Variants in MUC5B observed in about 807,000 individuals in gnomAD.
The protein encoded by MUC5B is mucin 5B, oligomeric mucus/gel-forming.
MUC5B carries 116 observed loss-of-function variants against 376.9 expected under a neutral mutation model. The ratio of observed to expected loss-of-function variants is 0.31; its 90% CI spans 0.26 to 0.36. MUC5B has a LOEUF of 0.36. MUC5B is among the 10% of genes least tolerant of loss of function. The pLI is 1.00. For synonymous variants in MUC5B, 3,517 were observed against 3,390.9 expected, an observed-to-expected ratio of 1.04 and a Z score of -1.29; for missense variants, 7,165 against 7,769.9, an observed-to-expected ratio of 0.92 and a Z score of 2.93.
rs1299214219 is a variant in MUC5B, at chr11:1,223,099, C to A, written c.-25C>A. ...CGGCTCCCTCCCTGCCCGTCCCCGTCCCCCCACCCGTGCCAGCCCCCAGGA... is the reference window on the plus strand; with the variant it reads ...CGGCTCCCTCCCTGCCCGTCCCCGTACCCCCACCCGTGCCAGCCCCCAGGA... On this transcript the variant is annotated 5_prime_UTR_variant, in exon 1 of 49. Coordinates refer to ENST00000529681, the MANE Select transcript of MUC5B (RefSeq NM_002458.3). The A allele has an allele frequency of 8.6e-6, 6 of 693,644 alleles. No individual in the cohort carries two copies. Among genetic ancestry groups the A allele is most frequent in the African/African-American group, 1.8e-5 (1 of 56,840 alleles). The allele number at this position is 693,644 out of a possible 1,614,324, so 43.0% of individuals were successfully genotyped here.
Position 1,258,534 on chromosome 11 carries a change from G to A in MUC5B, c.16593+167G>A, listed in dbSNP as rs56364057. Among the ~76,000 whole-genome samples the A allele has an allele frequency of 0.025, 3,801 of 152,226 alleles. 61 individuals are homozygous for A. The highest frequency in any genetic ancestry group is 0.033 in the Non-Finnish European group (2,226 of 67,984). On this transcript the variant is annotated intron_variant, in intron 43 of 48. Coordinates refer to ENST00000529681, the MANE Select transcript of MUC5B (RefSeq NM_002458.3). This position sits in a 1 kb window ranked among gnomAD's most constrained non-coding sequence, Gnocchi z 5.5. ...GCTGGGACATGCTTGGGACTCAGGG[G>A]CACCTTACGTCGACAGCCATGAGCT...
In MUC5B at chr11:1,246,851, C is replaced by T. The variant is rs952811914; in HGVS notation, c.9971C>T (p.Pro3324Leu). 3.1e-6 allele frequency: 5 copies of T among 1,610,630 alleles called. No homozygotes were observed. The Admixed American group carries it at 8.3e-5, about 27-fold the overall frequency. ...TTCACAGCCACCCCCTCCTCCAGCC[C>T]AGGGACGGCACTCACGCCTCCAGTG... Reference protein sequence around the residue: ...TGFTATPSSSPGTALTPPVWI... With the variant: ...TGFTATPSSSLGTALTPPVWI... Residue 3324 changes from proline (P) to leucine (L), a missense_variant, in exon 31 of 49, where the codon CCA becomes CTA. Transcript: ENST00000529681.
Position 1,240,202 on chromosome 11 carries a change from G to A in MUC5B, c.3797G>A (p.Arg1266Lys), listed in dbSNP as rs1275006918. 3 of 1,610,310 alleles carry A rather than the reference G, an allele frequency of 1.9e-6. No individual in the cohort carries two copies. The highest frequency in any genetic ancestry group is 2.5e-6 in the Non-Finnish European group (3 of 1,177,456). The change falls in exon 30 of 49, where the codon AGG (arginine) becomes AAG (lysine). Residue 1266 changes from arginine (R) to lysine (K), a missense_variant. This residue lies in a region of MUC5B where 517 missense variants were observed against 545.3 expected (regional missense o/e 0.95). Coordinates refer to ENST00000529681, the MANE Select transcript of MUC5B (RefSeq NM_002458.3). ...LEACTCTYEDRTYSYQDVIYN... is the reference protein window; with the variant it reads ...LEACTCTYEDKTYSYQDVIYN... ...GCCTGCACCTGCACCTATGAGGACA[G>A]GACCTACAGCTACCAGGACGTCATC...
At position 1,260,620 on chromosome 11, in the gene MUC5B, T is replaced by C; in HGVS notation, c.16967-6T>C. 9 of 1,610,986 alleles carry C rather than the reference T, an allele frequency of 5.6e-6. No individual in the cohort carries two copies. Among genetic ancestry groups the C allele is most frequent in the Non-Finnish European group, 7.6e-6 (9 of 1,178,798 alleles). The stretch of plus-strand genomic sequence containing the variant: ...GGGGCTCCACATCTGCCTTTCCTCC[T>C]CCCAGACTCCTGTCAAGTCCGCATC... On this transcript the variant is annotated splice_region_variant and splice_polypyrimidine_tract_variant and intron_variant, in intron 47 of 48. Coordinates refer to ENST00000529681, the MANE Select transcript of MUC5B (RefSeq NM_002458.3).
chr11:1,235,182 C>A lies in MUC5B; in HGVS notation c.2728C>A (p.Arg910Ser). 6.2e-7 allele frequency: 1 copy of A among 1,613,114 alleles called. No homozygotes were observed. The highest frequency in any genetic ancestry group is 1.1e-5 in the South Asian group (1 of 91,082). Residue 910 changes from arginine to serine, a missense_variant, in exon 22 of 49, where the codon CGC (arginine) becomes AGC (serine). By Grantham distance (110) the Arg-to-Ser change is moderately radical. This residue lies in a region of MUC5B where 530 missense variants were observed against 604.0 expected (regional missense o/e 0.88). Coordinates refer to ENST00000529681, the MANE Select transcript of MUC5B (RefSeq NM_002458.3). Reference protein sequence around the residue: ...DGHFITFDGDRYSFEGSCEYI... With the variant: ...DGHFITFDGDSYSFEGSCEYI... ...CCACTTCATCACCTTTGATGGCGAT[C>A]GCTACAGCTTTGAAGGCAGCTGCGA... is the stretch of plus-strand genomic sequence containing the variant.
In MUC5B at chr11:1,256,608, C is replaced by T. The variant is rs779950865; in HGVS notation, c.16137-63C>T. The T allele has an allele frequency of 9.0e-6, 12 of 1,326,278 alleles. No individual in the cohort carries two copies. The Admixed American group carries it at 1.5e-4, about 16-fold the overall frequency. 82.2% of individuals were successfully genotyped at this position (1,326,278 alleles called of 1,614,324 possible). ...CCCCACTGCCCATCCTGGGGACTCA[C>T]GTGGATGACAGTGGAGGCCTCCTGG... On this transcript the variant is annotated intron_variant, in intron 38 of 48. Transcript: ENST00000529681.
rs1564942188 is a variant in MUC5B, at chr11:1,244,825, C to A, written c.7945C>A (p.Pro2649Thr). The A allele has an allele frequency of 6.2e-7, 1 of 1,613,714 alleles. No homozygotes were observed. The highest frequency in any genetic ancestry group is 1.7e-5 in the Admixed American group (1 of 60,006). ...TPTTRGSTVT[P>T]SSIPGTTHTP... Reference sequence around the variant, plus strand: ...CACAACCAGAGGTTCCACGGTGACCCCCTCCTCCATCCCGGGGACCACCCA... The same window carrying A: ...CACAACCAGAGGTTCCACGGTGACCACCTCCTCCATCCCGGGGACCACCCA... The change falls in exon 31 of 49, where the codon CCC (proline) becomes ACC (threonine). Residue 2649 changes from proline (P) to threonine (T), a missense_variant. By Grantham distance (38) the Pro-to-Thr change is conservative. Around this residue, in one of 31 missense-constraint regions of MUC5B, gnomAD observed 141 missense variants for 111.2 expected, o/e 1.27. Transcript: ENST00000529681.
rs369461354 is a variant in MUC5B, at chr11:1,250,517, C to G, written c.13637C>G (p.Thr4546Ser). The G allele has an allele frequency of 2.5e-6, 4 of 1,613,498 alleles. No individual in the cohort carries two copies. Among genetic ancestry groups the G allele is most frequent in the Admixed American group, 1.7e-5 (1 of 59,990 alleles). The change falls in exon 31 of 49, where the codon ACC becomes AGC. Residue 4546 changes from threonine to serine, a missense_variant. This residue lies in a region of MUC5B where 4 missense variants were observed against 19.3 expected (regional missense o/e 0.21). Coordinates refer to ENST00000529681, the MANE Select transcript of MUC5B (RefSeq NM_002458.3). ...TCACAGACCACCACACCCACGGCCA[C>G]CATGTCCACAGCCACACCCTCCTCC... ...RLSQTTTPTATMSTATPSSTP... is the reference protein window; with the variant it reads ...RLSQTTTPTASMSTATPSSTP...
rs765110450 is a variant in MUC5B at position 1,250,991 on chromosome 11, C to G, written c.14111C>G (p.Pro4704Arg). 1 of 1,611,064 alleles carries G rather than the reference C, an allele frequency of 6.2e-7. No individual in the cohort carries two copies. The highest frequency in any genetic ancestry group is 8.5e-7 in the Non-Finnish European group (1 of 1,178,248). ...TNPSSTPGTT[P>R]ITPVLTSTAT... ...CCCTCCTCAACTCCAGGGACAACAC[C>G]CATCACCCCAGTGCTGACCAGCACG... The change falls in exon 31 of 49, where the codon CCC becomes CGC. Residue 4704 changes from proline (P) to arginine (R), a missense_variant. Physicochemically the swap from Pro to Arg is moderately radical, Grantham distance 103 (BLOSUM62 -2). This residue lies in a region of MUC5B where 730 missense variants were observed against 592.7 expected (regional missense o/e 1.23). Coordinates refer to ENST00000529681, the MANE Select transcript of MUC5B (RefSeq NM_002458.3).
At chr11:1,260,239 CGCCCCTGCCCGGGAGGCCAT>C (rs1292372825) in intron 46 of MUC5B, 92 bp from the exon 47 acceptor site, 16 of 1,353,006 alleles carry the variant, frequency 1.2e-5, no homozygotes, top group African/African-American at 1.0e-4. Flanking sequence ...TGGGAGGCCC[CGCCCCTGCCCGGGAGGCCAT>C]GCCCCTGCCC....
Position 1,246,615 on chromosome 11 carries a change from G to T in MUC5B, c.9735G>T (p.Leu3245=), listed in dbSNP as rs372464784. The change falls in exon 31 of 49, where the codon CTG becomes CTT. Residue 3245 remains leucine, a synonymous_variant. Coordinates refer to ENST00000529681, the MANE Select transcript of MUC5B (RefSeq NM_002458.3). ...TTACAGCCATCCCCTCTTCCTCCCT[G>T]GGCACCGCCTGGACCCGCCTATCAC... ...TSVTAIPSSS[L]GTAWTRLSQT... is the part of the protein sequence containing the mutation. 1.2e-6 allele frequency: 2 copies of T among 1,612,418 alleles called. No individual in the cohort carries two copies. Among genetic ancestry groups the T allele is most frequent in the East Asian group, 4.5e-5 (2 of 44,786 alleles).
At position 1,243,636 on chromosome 11, in the gene MUC5B, T is replaced by G. The variant is rs199868877; in HGVS notation, c.6756T>G (p.Leu2252=). Residue 2252 remains leucine (L), a synonymous_variant, in exon 31 of 49, where the codon CTT becomes CTG. Transcript: ENST00000529681. ...TGTTQHSTPA[L]SSPHPSSRTT... The stretch of plus-strand genomic sequence containing the variant: ...CCACCCAGCACTCGACTCCAGCCCT[T>G]TCCAGCCCTCACCCTAGCAGCAGAA... 2,117 of 1,606,460 alleles carry G rather than the reference T, an allele frequency of 1.3e-3. 5 individuals are homozygous for G. The highest frequency in any genetic ancestry group is 2.4e-3 in the African/African-American group (178 of 73,042).
At chr11:1,256,122 C>A (rs1239834106) in intron 37 of MUC5B, 34 bp from the exon 38 acceptor site, 1 of 717,632 alleles carries the variant, frequency 1.4e-6, no homozygotes, top group South Asian at 1.5e-5. Context: ...CCCCCCAACC[C>A]CTTGGCTTGT....
chr11:1,259,827 T>C lies in MUC5B; in HGVS notation c.16785T>C (p.Asp5595=). ...ECVQTACLTP[D]GQPVQLNETW... ...TCCAGACCGCCTGCCTCACGCCCGA[T>C]GGCCAGCCAGTCCAGGTAACAGCAG... Residue 5595 remains aspartate, a synonymous_variant, in exon 45 of 49, where the codon GAT becomes GAC. Transcript: ENST00000529681. 1.2e-6 allele frequency: 2 copies of C among 1,612,428 alleles called. No individual in the cohort carries two copies. Among genetic ancestry groups the C allele is most frequent in the Non-Finnish European group, 1.7e-6 (2 of 1,179,680 alleles).
At position 1,251,277 on chromosome 11, in the gene MUC5B, G is replaced by A. The variant is rs748927944; in HGVS notation, c.14397G>A (p.Met4799Ile). The A allele has an allele frequency of 3.6e-5, 58 of 1,611,116 alleles. 2 individuals are homozygous for A. The highest frequency in any genetic ancestry group is 4.8e-5 in the Non-Finnish European group (56 of 1,178,216). ...TSTVLTTTAT[M>I]TRATNSTATP... Reference sequence around the variant, plus strand: ...CAGTGCTGACCACCACAGCCACCATGACAAGGGCCACCAATTCCACGGCCA... The same window carrying A: ...CAGTGCTGACCACCACAGCCACCATAACAAGGGCCACCAATTCCACGGCCA... The change falls in exon 31 of 49, where the codon ATG becomes ATA. Residue 4799 changes from methionine to isoleucine, a missense_variant. Coordinates refer to ENST00000529681, the MANE Select transcript of MUC5B (RefSeq NM_002458.3).
rs1396363460 is a variant in MUC5B at position 1,245,793 on chromosome 11, C to T, written c.8913C>T (p.Cys2971=). Residue 2971 remains cysteine, a synonymous_variant, in exon 31 of 49, where the codon TGC becomes TGT. Coordinates refer to ENST00000529681, the MANE Select transcript of MUC5B (RefSeq NM_002458.3). ...IRVFCCNYGH[C]PSTPATSSTA... is the part of the protein sequence containing the mutation. The stretch of plus-strand genomic sequence containing the variant: ...TGTTCTGCTGCAACTACGGCCACTG[C>T]CCCAGCACCCCGGCCACCAGCTCTA... The T allele has an allele frequency of 2.5e-6, 4 of 1,613,070 alleles. No individual in the cohort carries two copies. Among genetic ancestry groups the T allele is most frequent in the Non-Finnish European group, 3.4e-6 (4 of 1,179,780 alleles).
At chr11:1,236,701 C>A in intron 24 of MUC5B, 139 bp downstream of exon 24, 1 of 1,114,288 alleles carries the variant, frequency 9.0e-7, no homozygotes, top group Non-Finnish European at 1.2e-6. Flanking sequence ...CTGTGGCCTC[C>A]ACAGTGGGCA....
intron 46 of MUC5B, 105 bp from the exon 47 acceptor site, chr11:1,260,246 G>C: frequency 7.3e-7 from 1 of 1,362,602 alleles, no homozygotes. Context: ...CCCCGCCCCT[G>C]CCCGGGAGGC....
rs563838284 is a variant in MUC5B, at chr11:1,226,398, C to T, written c.199+122C>T. On this transcript the variant is annotated intron_variant, in intron 3 of 48. Transcript: ENST00000529681. ...CCGTTGGGCCAGACCCAGAGTCCTC[C>T]GTGTGGGCGGTCTCCTGGTCACTGG... The T allele has an allele frequency of 7.1e-5, 96 of 1,355,960 alleles. 2 individuals carry two copies. The highest frequency in any genetic ancestry group is 1.9e-4 in the South Asian group (15 of 80,236). 84.0% of individuals were successfully genotyped at this position (1,355,960 alleles called of 1,614,324 possible).
Sources: allele counts gnomAD v4.1 joint callset (sites outside exome capture counted in the v4.1 genomes callset), GRCh38; gene constraint gnomAD v4.1.1; regional missense constraint gnomAD v4.1.1; non-coding constraint Gnocchi (gnomAD v3.1); transcripts MANE v1.5; gene names NCBI Gene and HGNC (gene_info 2026-07-23, HGNC 2026-07-21).